The following ACVR1 variants were observed in gnomAD, a reference collection of about 807,000 sequenced individuals.
ACVR1 encodes the protein activin A receptor type 1.
Under a neutral mutation model 57.1 loss-of-function variants are expected in ACVR1, and 38 were observed. The ratio of observed to expected loss-of-function variants is 0.67; its 90% CI spans 0.51 to 0.87. The LOEUF (loss-of-function observed/expected upper bound fraction) is 0.87, where lower values mean the gene tolerates loss of function less well. Among genes scored for constraint, ACVR1 ranks in the 40% least tolerant of loss-of-function variants. The pLI is 0.00. For synonymous variants in ACVR1, 212 were observed against 228.1 expected, an observed-to-expected ratio of 0.93 and a Z score of 0.63; for missense variants, 463 against 638.2, an observed-to-expected ratio of 0.73 and a Z score of 2.96.
chr2:157,801,700 T>C (rs1027052419), intron 2 of ACVR1, among the ~76,000 whole-genome samples: 6 of 151,252 alleles, frequency 4.0e-5, no homozygotes, highest in Non-Finnish European at 5.9e-5. Context: ...CCTTATTTAA[T>C]TGCTATTTTA....
intron 7 of ACVR1, among the ~76,000 whole-genome samples, chr2:157,767,689 A>G (rs1033991027): frequency 4.6e-5 from 7 of 152,208 alleles, no homozygotes; most frequent in African/African-American, 1.4e-4. Flanking sequence ...GATTTTTCCC[A>G]ACAAGCTGGT....
At chr2:157,839,941 C>A (rs1285482231) in intron 1 of ACVR1, among the ~76,000 whole-genome samples, 1 of 152,208 alleles carries the variant, frequency 6.6e-6, no homozygotes, top group African/African-American at 2.4e-5. Flanking sequence ...TGAACTGGGT[C>A]TGGGATACAC....
chr2:157,737,211 A>C lies in ACVR1; in HGVS notation c.*320T>G, dbSNP rs750143912. 3.1e-5 allele frequency: 14 copies of C among 450,046 alleles called. No homozygotes were observed. The highest frequency in any genetic ancestry group is 5.9e-5 in the African/African-American group (3 of 50,662). 27.9% of individuals were successfully genotyped at this position (450,046 alleles called of 1,614,324 possible). The stretch of plus-strand genomic sequence containing the variant: ...TAGGAGACTTGTGAAAGCTATGCAA[A>C]GCCACTGACTTAATGCCCAGATCTC... On this transcript the variant is annotated 3_prime_UTR_variant, in exon 11 of 11. Coordinates refer to ENST00000434821, the MANE Select transcript of ACVR1 (RefSeq NM_001111067.4).
At chr2:157,778,488 T>G (rs1378227100) in intron 4 of ACVR1, 146 bp from the exon 5 acceptor site, 3 of 688,840 alleles carry the variant, frequency 4.4e-6, no homozygotes, top group Non-Finnish European at 5.0e-6. Context: ...CACTTCCTAA[T>G]GCCTGGCCAA....
At chr2:157,840,811 C>T (rs1016377148) in intron 1 of ACVR1, among the ~76,000 whole-genome samples, 2 of 152,246 alleles carry the variant, frequency 1.3e-5, no homozygotes, top group Admixed American at 6.5e-5. Context: ...GCCGCCAAGG[C>T]GATCACGCGC....
At chr2:157,807,866 T>A (rs12986499) in intron 2 of ACVR1, among the ~76,000 whole-genome samples, 4 of 32,676 alleles carry the variant, frequency 1.2e-4, no homozygotes, top group South Asian at 2.4e-3. Flanking sequence ...GGGGGGGGGG[T>A]GGGTATAAGA....
chr2:157,774,596 T>C (rs1161962402), intron 5 of ACVR1, among the ~76,000 whole-genome samples: 1 of 152,308 alleles, frequency 6.6e-6, no homozygotes, highest in East Asian at 1.9e-4. Flanking sequence ...ACTCCTGACC[T>C]CAGGTGATCT....
At chr2:157,801,497 T>G (rs1210288493) in intron 2 of ACVR1, among the ~76,000 whole-genome samples, 1 of 152,138 alleles carries the variant, frequency 6.6e-6, no homozygotes, top group Non-Finnish European at 1.5e-5. Context: ...CCTTAACCAC[T>G]TTACTAGAGA....
At chr2:157,798,170 T>C (rs1265191587) in intron 3 of ACVR1, among the ~76,000 whole-genome samples, 1 of 152,088 alleles carries the variant, frequency 6.6e-6, no homozygotes, top group Non-Finnish European at 1.5e-5. Flanking sequence ...TTTGTAGAAT[T>C]GAAACCAGCA....
chr2:157,822,022 T>A (rs540117209), intron 1 of ACVR1, among the ~76,000 whole-genome samples: 4 of 152,298 alleles, frequency 2.6e-5, no homozygotes, highest in African/African-American at 7.2e-5. Context: ...GTTACAATCA[T>A]ATCCTTGGCT....
At chr2:157,810,545 A>G (rs1176108383) in intron 2 of ACVR1, among the ~76,000 whole-genome samples, 1 of 152,230 alleles carries the variant, frequency 6.6e-6, no homozygotes, top group African/African-American at 2.4e-5. Context: ...CATCTAATCC[A>G]TGATGAACAT....
chr2:157,824,056 T>C (rs1688250027), intron 1 of ACVR1, among the ~76,000 whole-genome samples: 1 of 152,202 alleles, frequency 6.6e-6, no homozygotes, highest in African/African-American at 2.4e-5. Context: ...GTAGCTAATG[T>C]TGTAAACTCA....
intron 9 of ACVR1, among the ~76,000 whole-genome samples, chr2:157,739,490 C>T (rs1684667393): frequency 6.6e-6 from 1 of 152,186 alleles, no homozygotes; most frequent in African/African-American, 2.4e-5. Flanking sequence ...AGAAATAAAA[C>T]CAAGACATCT....
chr2:157,845,159 T>C (rs1689091941), intron 1 of ACVR1, among the ~76,000 whole-genome samples: 1 of 152,112 alleles, frequency 6.6e-6, no homozygotes, highest in Admixed American at 6.5e-5. Context: ...TGTCAAGAGG[T>C]CACAGAAATA....
At chr2:157,783,792 C>A (rs1265968201) in intron 3 of ACVR1, among the ~76,000 whole-genome samples, 1 of 152,208 alleles carries the variant, frequency 6.6e-6, no homozygotes, top group Non-Finnish European at 1.5e-5. Context: ...ACTGTTCAAT[C>A]TTCTTACTTT....
Position 157,736,639 on chromosome 2 carries a change from T to G in ACVR1, c.*892A>C. On this transcript the variant is annotated 3_prime_UTR_variant, in exon 11 of 11. Coordinates refer to ENST00000434821, the MANE Select transcript of ACVR1 (RefSeq NM_001111067.4). ...TCTTTGCTTCTAAATCAGTAATATA[T>G]TCGGTGGTGTCACGTGGGTAATGGC... 3.2e-6 allele frequency: 1 copy of G among 314,986 alleles called. No individual in the cohort carries two copies. 19.5% of individuals were successfully genotyped at this position (314,986 alleles called of 1,614,324 possible).
chr2:157,861,131 C>G (rs1393144329), intron 1 of ACVR1, among the ~76,000 whole-genome samples: 1 of 152,210 alleles, frequency 6.6e-6, no homozygotes, highest in Non-Finnish European at 1.5e-5. Context: ...CCTCCAGTGC[C>G]CTCAAACAGA....
chr2:157,875,755 C>T (rs1690266344), intron 1 of ACVR1, 41 bp downstream of exon 1: 1 of 152,008 alleles, frequency 6.6e-6, no homozygotes, highest in South Asian at 2.0e-4. Context: ...CTCCCTCAGT[C>T]CTCCCGGCTC....
chr2:157,865,581 C>T (rs1342852255), intron 1 of ACVR1, among the ~76,000 whole-genome samples: 2 of 151,960 alleles, frequency 1.3e-5, no homozygotes, highest in African/African-American at 4.8e-5. Flanking sequence ...CACCTGAGGT[C>T]GGGAGTTGGA....
Sources: allele counts gnomAD v4.1 joint callset (sites outside exome capture counted in the v4.1 genomes callset), GRCh38; gene constraint gnomAD v4.1.1; transcripts MANE v1.5; gene names NCBI Gene and HGNC (gene_info 2026-07-23, HGNC 2026-07-21).